The following PALLD variants were observed in gnomAD, a reference collection of about 807,000 sequenced individuals.
PALLD encodes palladin, cytoskeletal associated protein.
A neutral mutation model predicts 123.5 loss-of-function variants in PALLD; 61 were observed. The ratio of observed to expected loss-of-function variants is 0.49; its 90% CI spans 0.40 to 0.61. PALLD has a LOEUF of 0.61. PALLD is among the 20% of genes least tolerant of loss of function. The probability of loss-of-function intolerance (pLI) is 0.00; values close to 1 mark genes in which losing one functional copy is unlikely to be tolerated. For synonymous variants in PALLD, 465 were observed against 496.4 expected (o/e 0.94, Z 0.84); for missense variants, 1,273 against 1,377.0 (o/e 0.92, Z 1.20).
In PALLD at chr4:168,757,180, G is replaced by C. The variant is rs116035074; in HGVS notation, c.1964+45257G>C. 5.7e-3 allele frequency among the ~76,000 whole-genome samples: 873 copies of C among 152,316 alleles called. 8 individuals are homozygous for C. Among genetic ancestry groups the C allele is most frequent in the African/African-American group, 0.019 (794 of 41,568 alleles). On this transcript the variant is annotated intron_variant, in intron 10 of 21. Transcript: ENST00000505667. The stretch of plus-strand genomic sequence containing the variant: ...ATGAAATACAAACAGATGTTTCAAG[G>C]AATTAGCTGTGAGGACAAACAGAAA...
At chr4:168,702,396 C>A (rs901832875) in intron 8 of PALLD, among the ~76,000 whole-genome samples, 1 of 151,888 alleles carries the variant, frequency 6.6e-6, no homozygotes, top group Non-Finnish European at 1.5e-5. Flanking sequence ...ACTAAAAATA[C>A]AAAAAAAGTT....
intron 2 of PALLD, among the ~76,000 whole-genome samples, chr4:168,588,677 G>A (rs1771096923): frequency 6.6e-6 from 1 of 151,892 alleles, no homozygotes; most frequent in Non-Finnish European, 1.5e-5. Context: ...CAAAGTGCTG[G>A]GATTACAGGT....
intron 2 of PALLD, among the ~76,000 whole-genome samples, chr4:168,586,153 T>TAAAAAAAA (rs35474736): frequency 1.3e-5 from 1 of 75,532 alleles, no homozygotes; most frequent in Non-Finnish European, 2.5e-5. Flanking sequence ...TCAAGAGACC[T>TAAAAAAAA]AAAAAAAAAA....
chr4:168,503,775 G>A (rs1057357286), intron 1 of PALLD, among the ~76,000 whole-genome samples: 1 of 152,196 alleles, frequency 6.6e-6, no homozygotes, highest in African/African-American at 2.4e-5. Flanking sequence ...GGCCAGGGAG[G>A]CCTGAGTGCA....
At chr4:168,653,571 T>C (rs182532639) in intron 2 of PALLD, among the ~76,000 whole-genome samples, 4 of 152,340 alleles carry the variant, frequency 2.6e-5, no homozygotes, top group Admixed American at 2.0e-4. Flanking sequence ...AGAAATCACA[T>C]TATCTAGCTC....
At chr4:168,613,676 T>G (rs1221080692) in intron 2 of PALLD, among the ~76,000 whole-genome samples, 1 of 152,080 alleles carries the variant, frequency 6.6e-6, no homozygotes. Flanking sequence ...GACTACACAT[T>G]TAGATATGAA....
At chr4:168,857,049 A>G (rs1748706803) in intron 10 of PALLD, among the ~76,000 whole-genome samples, 1 of 152,266 alleles carries the variant, frequency 6.6e-6, no homozygotes, top group African/African-American at 2.4e-5. Flanking sequence ...GAAGAGATTT[A>G]GAAGTATAAA....
chr4:168,628,917 C>A (rs909234689), intron 2 of PALLD, among the ~76,000 whole-genome samples: 1 of 151,740 alleles, frequency 6.6e-6, no homozygotes, highest in African/African-American at 2.4e-5. Flanking sequence ...TGTTTCCAAA[C>A]AAATGAATTA....
intron 12 of PALLD, among the ~76,000 whole-genome samples, chr4:168,895,828 T>C (rs1358075202): frequency 1.3e-5 from 2 of 152,264 alleles, no homozygotes; most frequent in Admixed American, 1.3e-4. Context: ...CTCTTTATCT[T>C]CTTTCACATA....
At chr4:168,656,819 A>C (rs1349098963) in intron 2 of PALLD, among the ~76,000 whole-genome samples, 2 of 152,240 alleles carry the variant, frequency 1.3e-5, no homozygotes, top group Non-Finnish European at 2.9e-5. Flanking sequence ...TTAGAAATCA[A>C]CATTTCACAT....
At chr4:168,812,137 G>A (rs1741256267) in intron 10 of PALLD, among the ~76,000 whole-genome samples, 1 of 152,128 alleles carries the variant, frequency 6.6e-6, no homozygotes, top group Admixed American at 6.5e-5. Flanking sequence ...ATTAATAAAT[G>A]GCTTTATAAA....
At chr4:168,544,450 A>G (rs1765948088) in intron 2 of PALLD, among the ~76,000 whole-genome samples, 1 of 152,244 alleles carries the variant, frequency 6.6e-6, no homozygotes, top group Admixed American at 6.5e-5. Context: ...TTATAGGTGT[A>G]TCCATTAATG....
chr4:168,762,487 A>G (rs532090137), intron 10 of PALLD, among the ~76,000 whole-genome samples: 1 of 152,288 alleles, frequency 6.6e-6, no homozygotes, highest in African/African-American at 2.4e-5. Flanking sequence ...AAAAAAGAAA[A>G]AGCCATTCTC....
chr4:168,882,876 G>C (rs991756428), intron 10 of PALLD, among the ~76,000 whole-genome samples: 2 of 152,104 alleles, frequency 1.3e-5, no homozygotes, highest in African/African-American at 4.8e-5. Flanking sequence ...TGGATCACGA[G>C]GTCAGGAGAT....
At chr4:168,924,866 T>G in intron 19 of PALLD, 79 bp from the exon 20 acceptor site, 2 of 1,383,276 alleles carry the variant, frequency 1.4e-6, no homozygotes, top group African/African-American at 1.4e-5. Flanking sequence ...TTTCTAATGA[T>G]CTAATTAAAA....
intron 6 of PALLD, among the ~76,000 whole-genome samples, chr4:168,686,216 TG>T (rs763365724): frequency 2.6e-4 from 39 of 152,276 alleles, no homozygotes; most frequent in Admixed American, 8.5e-4. Flanking sequence ...TGGTTTGGTT[TG>T]TTTTTTTTAC....
At chr4:168,527,422 CAAAA>C (rs35555541) in intron 2 of PALLD, among the ~76,000 whole-genome samples, 9,063 of 52,644 alleles carry the variant, frequency 0.17, 537 homozygotes, top group Middle Eastern at 0.24. Flanking sequence ...AACTCCATCT[CAAAA>C]AAAAAAAAAA....
chr4:168,524,790 T>G (rs1344009444), intron 2 of PALLD, among the ~76,000 whole-genome samples: 2 of 152,116 alleles, frequency 1.3e-5, no homozygotes, highest in Non-Finnish European at 2.9e-5. Flanking sequence ...AAAAGAGCCA[T>G]GATTGATTCT....
chr4:168,813,873 A>C (rs557759635), intron 10 of PALLD, among the ~76,000 whole-genome samples: 4 of 152,260 alleles, frequency 2.6e-5, no homozygotes, highest in Non-Finnish European at 5.9e-5. Flanking sequence ...TAACCAAATA[A>C]TGTGTGCATA....
Sources: allele counts gnomAD v4.1 joint callset (sites outside exome capture counted in the v4.1 genomes callset), GRCh38; gene constraint gnomAD v4.1.1; transcripts MANE v1.5; gene names NCBI Gene and HGNC (gene_info 2026-07-23, HGNC 2026-07-21).